Variants in FANCM observed in about 807,000 individuals in gnomAD.
FANCM encodes the protein FA complementation group M.
In FANCM, 140 loss-of-function variants were observed where a neutral mutation model predicts 199.5. That is an observed-to-expected ratio of 0.70 (90% CI 0.61 to 0.81). The LOEUF (loss-of-function observed/expected upper bound fraction) is 0.81. Ranked by LOEUF, FANCM falls within the 30% of genes least tolerant of loss-of-function variation. The pLI, the probability that FANCM is intolerant of heterozygous loss-of-function variation, is 0.00. For synonymous variants in FANCM, 840 were observed against 836.8 expected, an observed-to-expected ratio of 1.00 and a Z score of -0.07; for missense variants, 2,410 against 2,421.4, an observed-to-expected ratio of 1.00 and a Z score of 0.10.
In FANCM at chr14:45,200,135, ATTT is replaced by A. The variant is rs916908796; in HGVS notation, c.*130_*132del. The A allele has an allele frequency of 2.7e-5, 9 of 334,702 alleles. No homozygotes were observed. Among genetic ancestry groups the A allele is most frequent in the African/African-American group, 6.6e-5 (3 of 45,178 alleles). The allele number at this position is 334,702 out of a possible 1,614,324, so 20.7% of individuals were successfully genotyped here. A position where few individuals can be genotyped will look rare whatever the true frequency, so the allele number is the denominator to read the frequency against. ...TATTTAAATATTTTATATTGTATACATTTTTATTTATAGATTATAGAAATTATT... is the reference window on the plus strand; with the variant it reads ...TATTTAAATATTTTATATTGTATACATTATTTATAGATTATAGAAATTATT... On this transcript the variant is annotated 3_prime_UTR_variant, in exon 23 of 23. Transcript: ENST00000267430.
chr14:45,183,739 T>G, intron 16 of FANCM, 35 bp from the exon 17 acceptor site: 1 of 1,537,028 alleles, frequency 6.5e-7, no homozygotes, highest in Non-Finnish European at 9.0e-7. Flanking sequence ...GAAAATATTT[T>G]TTTCTTATGC....
At chr14:45,139,735 T>C (rs977513706) in intron 2 of FANCM, among the ~76,000 whole-genome samples, 4 of 152,218 alleles carry the variant, frequency 2.6e-5, no homozygotes, top group Non-Finnish European at 5.9e-5. Flanking sequence ...TCCAGCACTT[T>C]GGAAGGCCAA....
Position 45,178,210 on chromosome 14 carries a change from G to A in FANCM, c.4222+1234G>A, listed in dbSNP as rs567441857. Among the ~76,000 whole-genome samples the A allele has an allele frequency of 2.6e-5, 4 of 152,242 alleles. No homozygotes were observed. The South Asian group carries it at 6.2e-4, about 24-fold the overall frequency. On this transcript the variant is annotated intron_variant, in intron 14 of 22. Coordinates refer to ENST00000267430, the MANE Select transcript of FANCM (RefSeq NM_020937.4). ...TGAAAGCATGTTGGAAGTAAGTACTGGAAATACATTTAATTTTCAAAACCT... is the reference window on the plus strand; with the variant it reads ...TGAAAGCATGTTGGAAGTAAGTACTAGAAATACATTTAATTTTCAAAACCT...
intron 21 of FANCM, among the ~76,000 whole-genome samples, chr14:45,196,943 A>G (rs980631649): frequency 2.6e-5 from 4 of 152,320 alleles, no homozygotes; most frequent in African/African-American, 7.2e-5. Context: ...GCAGTTAAGT[A>G]GTGGTACTGT....
chr14:45,179,594 C>G (rs1888937840), intron 14 of FANCM, among the ~76,000 whole-genome samples: 1 of 132,472 alleles, frequency 7.5e-6, no homozygotes, highest in Non-Finnish European at 1.6e-5. Context: ...GACAGTCTCA[C>G]TCTGTCACCC....
chr14:45,164,709 C>G (rs1388043261), intron 10 of FANCM, 144 bp downstream of exon 10: 3 of 669,694 alleles, frequency 4.5e-6, no homozygotes, highest in Middle Eastern at 4.1e-4. Flanking sequence ...ATTGGATTCT[C>G]TCTTGTAACT....
intron 6 of FANCM, 66 bp downstream of exon 6, chr14:45,154,118 G>T: frequency 8.1e-7 from 1 of 1,237,148 alleles, no homozygotes; most frequent in Non-Finnish European, 1.2e-6. Flanking sequence ...ACATATTGAA[G>T]GGCTGGGCAC....
At chr14:45,161,067 T>A (rs1887570264) in intron 9 of FANCM, among the ~76,000 whole-genome samples, 1 of 152,178 alleles carries the variant, frequency 6.6e-6, no homozygotes, top group African/African-American at 2.4e-5. Flanking sequence ...GCATTTTCAT[T>A]ATTTGAAATA....
chr14:45,176,432 T>C lies in FANCM; in HGVS notation c.3678T>C (p.Asp1226=). The change falls in exon 14 of 23, where the codon GAT becomes GAC. Residue 1226 remains aspartate (D), a synonymous_variant. Transcript: ENST00000267430. Reference sequence around the variant, plus strand: ...AGGATATTTTTGATTGCTCTAGGGATTTATTTTCTGTTACCTTTGATTTAG... The same window carrying C: ...AGGATATTTTTGATTGCTCTAGGGACTTATTTTCTGTTACCTTTGATTTAG... The part of the protein sequence containing the change: ...NHEDIFDCSR[D]LFSVTFDLGF... 6.2e-7 allele frequency: 1 copy of C among 1,613,044 alleles called. No individual in the cohort carries two copies. Among genetic ancestry groups the C allele is most frequent in the Non-Finnish European group, 8.5e-7 (1 of 1,179,846 alleles).
chr14:45,144,684 T>G (rs1886238872), intron 3 of FANCM, among the ~76,000 whole-genome samples: 1 of 152,160 alleles, frequency 6.6e-6, no homozygotes, highest in South Asian at 2.1e-4. Context: ...CCAAGGACTC[T>G]TCAGTCAGCT....
rs984955481 is a variant in FANCM, at chr14:45,198,936, G to A, written c.6008+1G>A. 1 of 1,596,792 alleles carries A rather than the reference G, an allele frequency of 6.3e-7. No individual in the cohort carries two copies. Among genetic ancestry groups the A allele is most frequent in the East Asian group, 2.2e-5 (1 of 44,768 alleles). On this transcript the variant is annotated splice_donor_variant, in intron 22 of 22. Transcript: ENST00000267430. LOFTEE classifies it high-confidence loss of function. The stretch of plus-strand genomic sequence containing the variant: ...CATCTGTGAAAAGGATGGCTAACAG[G>A]TATGTCTGTTGTAATATTTTTAAAT...
chr14:45,175,808 G>T lies in FANCM; in HGVS notation c.3054G>T (p.Glu1018Asp), dbSNP rs139432120. Residue 1018 changes from glutamate (E) to aspartate (D), a missense_variant, in exon 14 of 23, where the codon GAG becomes GAT. Glu to Asp is a conservative substitution (Grantham distance 45, BLOSUM62 2). Coordinates refer to ENST00000267430, the MANE Select transcript of FANCM (RefSeq NM_020937.4). ...EYEIAKGTAL[E>D]NLLFLPCAEH... Reference sequence around the variant, plus strand: ...AAATTGCTAAGGGTACTGCACTTGAGAATTTGCTTTTCTTACCCTGTGCAG... The same window carrying T: ...AAATTGCTAAGGGTACTGCACTTGATAATTTGCTTTTCTTACCCTGTGCAG... 1.9e-6 allele frequency: 3 copies of T among 1,613,740 alleles called. No homozygotes were observed. Among genetic ancestry groups the T allele is most frequent in the Non-Finnish European group, 2.5e-6 (3 of 1,179,956 alleles).
At chr14:45,171,826 C>T (rs996913233) in intron 12 of FANCM, among the ~76,000 whole-genome samples, 2 of 151,754 alleles carry the variant, frequency 1.3e-5, no homozygotes, top group Non-Finnish European at 2.9e-5. Flanking sequence ...TATGGGTGTG[C>T]GAGTATCTTT....
intron 12 of FANCM, among the ~76,000 whole-genome samples, chr14:45,171,137 CT>C (rs1312332875): frequency 4.0e-3 from 557 of 138,974 alleles, no homozygotes; most frequent in Middle Eastern, 7.4e-3. Flanking sequence ...TTCTTTTCAA[CT>C]TTTTTTTTTT....
At chr14:45,154,658 A>G in intron 6 of FANCM, 39 bp from the exon 7 acceptor site, 7 of 1,293,800 alleles carry the variant, frequency 5.4e-6, no homozygotes, top group Non-Finnish European at 7.6e-6. Context: ...TATCAGTTTT[A>G]TTATTATTTA....
At position 45,175,225 on chromosome 14, in the gene FANCM, G is replaced by T. The variant is rs1489942787; in HGVS notation, c.2471G>T (p.Gly824Val). The change falls in exon 14 of 23, where the codon GGC becomes GTC. Residue 824 changes from glycine to valine, a missense_variant. Gly to Val is a moderately radical substitution (Grantham distance 109, BLOSUM62 -3). Coordinates refer to ENST00000267430, the MANE Select transcript of FANCM (RefSeq NM_020937.4). ...TCATTTATAAAGAACATAAATCAAGGCAGTTCATCCTCAGTGATAGAATCT... is the reference window on the plus strand; with the variant it reads ...TCATTTATAAAGAACATAAATCAAGTCAGTTCATCCTCAGTGATAGAATCT... ...KSSFIKNINQGSSSSVIESDE... is the reference protein window; with the variant it reads ...KSSFIKNINQVSSSSVIESDE... 2.5e-6 allele frequency: 4 copies of T among 1,611,728 alleles called. No individual in the cohort carries two copies. Among genetic ancestry groups the T allele is most frequent in the Non-Finnish European group, 3.4e-6 (4 of 1,179,044 alleles).
chr14:45,173,458 CTGTT>C lies in FANCM; in HGVS notation c.2316+252_2316+255del, dbSNP rs149361199. ...AATATACTTAAATGATTTATGTAAA[CTGTT>C]TGTAAACCTTATTTAGGATTCTTTT... is the stretch of plus-strand genomic sequence containing the variant. On this transcript the variant is annotated intron_variant, in intron 13 of 22. Transcript: ENST00000267430. 8.1e-3 allele frequency among the ~76,000 whole-genome samples: 1,238 copies of C among 152,230 alleles called. 15 individuals are homozygous for C. Among genetic ancestry groups the C allele is most frequent in the African/African-American group, 0.028 (1,176 of 41,540 alleles).
Position 45,187,862 on chromosome 14 carries a change from A to C in FANCM, c.4754A>C (p.His1585Pro). 1 of 1,522,004 alleles carries C rather than the reference A, an allele frequency of 6.6e-7. No homozygotes were observed. The allele number at this position is 1,522,004 out of a possible 1,614,324, so 94.3% of individuals were successfully genotyped here. ...AAGTACAAAATGATTCATAAGACAC[A>C]TAAAAACATAAACATTTTCTCGCAG... ...NNKYKMIHKT[H>P]KNINIFSQIP... Residue 1585 changes from histidine to proline, a missense_variant, in exon 19 of 23, where the codon CAT (histidine) becomes CCT (proline). Physicochemically the swap from His to Pro is moderately conservative, Grantham distance 77. Coordinates refer to ENST00000267430, the MANE Select transcript of FANCM (RefSeq NM_020937.4).
chr14:45,181,437 A>G lies in FANCM; in HGVS notation c.4230A>G (p.Gln1410=). 3 of 1,557,822 alleles carry G rather than the reference A, an allele frequency of 1.9e-6. No individual in the cohort carries two copies. The highest frequency in any genetic ancestry group is 1.1e-5 in the South Asian group (1 of 89,442). ...TTAAAAAATAAATTATAGATGGACA[A>G]TTATTAACAAGTAACGAAAGTGAAG... The part of the protein sequence containing the change: ...HKSCHSVEDG[Q]LLTSNESEDD... The change falls in exon 15 of 23, where the codon CAA becomes CAG. Residue 1410 remains glutamine, a synonymous_variant. Coordinates refer to ENST00000267430, the MANE Select transcript of FANCM (RefSeq NM_020937.4).
Sources: gnomAD v4.1 joint callset for allele counts (sites outside exome capture counted in the v4.1 genomes callset) on GRCh38, gnomAD v4.1.1 for gene constraint, MANE v1.5 for transcripts, NCBI Gene and HGNC (gene_info 2026-07-23, HGNC 2026-07-21) for gene names.